The following PRLR variants were observed in gnomAD, a reference collection of about 807,000 sequenced individuals.
The protein encoded by PRLR is prolactin receptor.
In PRLR, 13 loss-of-function variants were observed where a neutral mutation model predicts 40.2. The ratio of observed to expected loss-of-function variants is 0.32; its 90% CI spans 0.21 to 0.51. The LOEUF is 0.51. Among genes scored for constraint, PRLR ranks in the 20% least tolerant of loss-of-function variants. The pLI is 0.97. For missense variants in PRLR, 656 were observed against 747.3 expected (o/e 0.88, Z 1.42); for synonymous variants, 269 against 278.7 (o/e 0.97, Z 0.35).
chr5:35,135,512 A>C (rs979492366), intron 1 of PRLR: 5 of 152,404 alleles, frequency 3.3e-5, no homozygotes, highest in Non-Finnish European at 7.3e-5. Context: ...TGTCCTGATT[A>C]TGTCCACTGC....
intron 9 of PRLR, among the ~76,000 whole-genome samples, chr5:35,067,739 C>T (rs1013681395): frequency 8.5e-5 from 13 of 152,064 alleles, no homozygotes; most frequent in Non-Finnish European, 1.8e-4. Flanking sequence ...ACAGATGGCC[C>T]CACAGTACTG....
At chr5:35,071,913 C>T (rs2112400806) in intron 6 of PRLR, among the ~76,000 whole-genome samples, 1 of 134,944 alleles carries the variant, frequency 7.4e-6, no homozygotes, top group East Asian at 2.1e-4. Context: ...TTTTTTTTTC[C>T]AAATGGAGTT....
chr5:35,189,966 C>A (rs1312045472), intron 1 of PRLR, among the ~76,000 whole-genome samples: 1 of 152,122 alleles, frequency 6.6e-6, no homozygotes, highest in Non-Finnish European at 1.5e-5. Context: ...GGTTTTCCTG[C>A]TGGAGCACAG....
At chr5:35,138,617 A>G (rs1773926322) in intron 1 of PRLR, among the ~76,000 whole-genome samples, 1 of 152,162 alleles carries the variant, frequency 6.6e-6, no homozygotes, top group African/African-American at 2.4e-5. Context: ...GAGAATCAAA[A>G]GGAAGAATAT....
At chr5:35,156,342 A>G (rs969071759) in intron 1 of PRLR, among the ~76,000 whole-genome samples, 6 of 152,102 alleles carry the variant, frequency 3.9e-5, no homozygotes, top group South Asian at 2.1e-4. Flanking sequence ...TAGCCTCCCA[A>G]TGGGTCTCTC....
At chr5:35,188,852 C>T (rs543370333) in intron 1 of PRLR, among the ~76,000 whole-genome samples, 1 of 152,212 alleles carries the variant, frequency 6.6e-6, no homozygotes, top group African/African-American at 2.4e-5. Flanking sequence ...AAATGCTTTC[C>T]AGGAGTTAAC....
intron 1 of PRLR, among the ~76,000 whole-genome samples, chr5:35,223,185 T>C (rs962973781): frequency 3.9e-5 from 6 of 152,258 alleles, no homozygotes; most frequent in Non-Finnish European, 8.8e-5. Flanking sequence ...GTCACACTCT[T>C]GGTTGTCCAT....
At chr5:35,192,905 A>G (rs1775644055) in intron 1 of PRLR, among the ~76,000 whole-genome samples, 1 of 152,188 alleles carries the variant, frequency 6.6e-6, no homozygotes, top group Non-Finnish European at 1.5e-5. Flanking sequence ...CTGCATTAGG[A>G]AAGGCCAGCT....
Position 35,079,324 on chromosome 5 carries a change from A to C in PRLR, c.373+5146T>G, listed in dbSNP as rs572567067. ...TTAGAAAACCCCATCATCTCAGCCC[A>C]AAATCTCCTTAAGCTGATAAGCAAC... On this transcript the variant is annotated intron_variant, in intron 5 of 9. Transcript: ENST00000618457. Among the ~76,000 whole-genome samples, 13 of 152,332 alleles carry C rather than the reference A, an allele frequency of 8.5e-5. No individual in the cohort carries two copies. The East Asian group carries it at 2.3e-3, about 27-fold the overall frequency.
In PRLR at chr5:35,118,788, T is replaced by C. The variant is rs907759570; in HGVS notation, c.-105-666A>G. On this transcript the variant is annotated intron_variant, in intron 1 of 9. Transcript: ENST00000618457. ...CATGAAGGGACAACTGTTAGAGGTA[T>C]GGATCTTTTTTTTTTTTGACAGGGT... is the stretch of plus-strand genomic sequence containing the variant. 2.0e-5 allele frequency among the ~76,000 whole-genome samples: 3 copies of C among 151,846 alleles called. No homozygotes were observed. The South Asian group carries it at 6.3e-4, about 32-fold the overall frequency.
chr5:35,208,897 G>A (rs914598145), intron 1 of PRLR, among the ~76,000 whole-genome samples: 1 of 151,994 alleles, frequency 6.6e-6, no homozygotes, highest in African/African-American at 2.4e-5. Context: ...ATACCTAGTA[G>A]TCAAAGAAAT....
chr5:35,178,686 T>C (rs887531698), intron 1 of PRLR, among the ~76,000 whole-genome samples: 1 of 152,308 alleles, frequency 6.6e-6, no homozygotes. Context: ...TTTCTGTCTG[T>C]GAATAAATCA....
At chr5:35,070,316 A>T in intron 6 of PRLR, 51 bp from the exon 7 acceptor site, 1 of 1,595,780 alleles carries the variant, frequency 6.3e-7, no homozygotes, top group Non-Finnish European at 8.6e-7. Flanking sequence ...TGTTGTGAAG[A>T]AAGAGAGTTT....
chr5:35,141,094 C>T (rs1360661697), intron 1 of PRLR, among the ~76,000 whole-genome samples: 2 of 152,096 alleles, frequency 1.3e-5, no homozygotes, highest in African/African-American at 2.4e-5. Flanking sequence ...GCCTGGAGTA[C>T]AGACTTGAAG....
Position 35,091,133 on chromosome 5 carries a change from G to C in PRLR, c.-43-1470C>G, listed in dbSNP as rs1027544627. Among the ~76,000 whole-genome samples the C allele has an allele frequency of 2.0e-5, 3 of 152,156 alleles. 1 individual carries two copies. Among genetic ancestry groups the C allele is most frequent in the Admixed American group, 6.5e-5 (1 of 15,294 alleles). On this transcript the variant is annotated intron_variant, in intron 2 of 9. Coordinates refer to ENST00000618457, the MANE Select transcript of PRLR (RefSeq NM_000949.7). ...GGCCAAGTAGCTCTTTCATAATGAG[G>C]CTCCAGCTTCAGTAAAGGATCCCGG...
intron 1 of PRLR, among the ~76,000 whole-genome samples, chr5:35,193,125 G>A (rs1775650280): frequency 6.6e-6 from 1 of 152,100 alleles, no homozygotes; most frequent in Non-Finnish European, 1.5e-5. Context: ...AAGTGGCAAG[G>A]CAGCTATTCC....
chr5:35,178,955 A>G (rs1162089867), intron 1 of PRLR, among the ~76,000 whole-genome samples: 1 of 152,286 alleles, frequency 6.6e-6, no homozygotes, highest in Non-Finnish European at 1.5e-5. Flanking sequence ...ACATCTCCTC[A>G]TGATGTCATA....
At chr5:35,086,121 G>T in intron 4 of PRLR, 87 bp downstream of exon 4, 1 of 1,508,606 alleles carries the variant, frequency 6.6e-7, no homozygotes, top group Non-Finnish European at 9.1e-7. Flanking sequence ...ATTCAGGGAT[G>T]TGCTGTCACT....
rs551682059 is a variant in PRLR at position 35,086,327 on chromosome 5, A to G, written c.84T>C (p.Pro28=). ...GACATTTAAAGATCTCAGGTTTTCC[A>G]GGAGGTAACTGTCCTAGAAAAAGCC... ...NTCLLNGQLP[P]GKPEIFKCRS... The change falls in exon 4 of 10, where the codon CCT becomes CCC. Residue 28 remains proline (P), a synonymous_variant. Coordinates refer to ENST00000618457, the MANE Select transcript of PRLR (RefSeq NM_000949.7). 182 of 1,613,658 alleles carry G rather than the reference A, an allele frequency of 1.1e-4. 1 individual carries two copies. The South Asian group carries it at 1.9e-3, about 17-fold the overall frequency.
Sources: allele counts gnomAD v4.1 joint callset (sites outside exome capture counted in the v4.1 genomes callset), GRCh38; gene constraint gnomAD v4.1.1; transcripts MANE v1.5; gene names NCBI Gene and HGNC (gene_info 2026-07-23, HGNC 2026-07-21).